ATP1A4: variants seen among roughly 807,000 people sequenced by gnomAD.
The protein encoded by ATP1A4 is sodium/potassium-transporting ATPase subunit alpha-4.
ATP1A4 carries 90 observed loss-of-function variants against 114.3 expected under a neutral mutation model. That is an observed-to-expected ratio of 0.79 (90% CI 0.66 to 0.94). ATP1A4 has a LOEUF of 0.94. Among genes scored for constraint, ATP1A4 ranks in the 40% least tolerant of loss-of-function variants. The pLI is 0.00. For missense variants in ATP1A4, 1,222 were observed against 1,313.6 expected (o/e 0.93, Z 1.08); for synonymous variants, 511 against 494.1 (o/e 1.03, Z -0.45).
chr1:160,171,834 G>A (rs1009039002), intron 12 of ATP1A4, 77 bp downstream of exon 12: 43 of 1,419,530 alleles, frequency 3.0e-5, no homozygotes, highest in Admixed American at 2.3e-4. Flanking sequence ...GCGCAGAGTA[G>A]ATGCTTAATA....
In ATP1A4 at chr1:160,173,717, G is replaced by C; in HGVS notation, c.1991G>C (p.Ser664Thr). The C allele has an allele frequency of 6.2e-7, 1 of 1,614,028 alleles. No individual in the cohort carries two copies. Among genetic ancestry groups the C allele is most frequent in the Non-Finnish European group, 8.5e-7 (1 of 1,179,946 alleles). Residue 664 changes from serine (S) to threonine (T), a missense_variant and splice_region_variant, in exon 13 of 22, where the codon AGT (serine) becomes ACT (threonine). Transcript: ENST00000368081. ...ATCCCTATCAGCAAGGTCGATGCCA[G>C]GTGAGATCACTAAAGAACTCAAGAT... ...LKIPISKVDA[S>T]AAKAIVVHGA...
At position 160,159,126 on chromosome 1, in the gene ATP1A4, A is replaced by G; in HGVS notation, c.650A>G (p.Gln217Arg). ...GCTGACCTCCGGCTTATCTCTGCAC[A>G]AGGATGTAAGGTGAGGGGATGCCGA... ...VPADLRLISA[Q>R]GCKVDNSSLT... Residue 217 changes from glutamine (Q) to arginine (R), a missense_variant, in exon 5 of 22, where the codon CAA becomes CGA. Transcript: ENST00000368081. 6.2e-7 allele frequency: 1 copy of G among 1,613,858 alleles called. No homozygotes were observed. The highest frequency in any genetic ancestry group is 8.5e-7 in the Non-Finnish European group (1 of 1,179,834).
At chr1:160,180,235 C>G (rs114927429) in intron 18 of ATP1A4, among the ~76,000 whole-genome samples, 1 of 152,154 alleles carries the variant, frequency 6.6e-6, no homozygotes, top group African/African-American at 2.4e-5. Context: ...CAATTTCCAG[C>G]CTTTGTGTTC....
intron 2 of ATP1A4, among the ~76,000 whole-genome samples, chr1:160,154,251 G>A (rs1239883193): frequency 6.6e-6 from 1 of 152,030 alleles, no homozygotes; most frequent in Non-Finnish European, 1.5e-5. Flanking sequence ...CTACTTGGGA[G>A]GCTGAGGCAG....
Position 160,186,658 on chromosome 1 carries a change from T to C in ATP1A4, c.3062-13T>C. 1 of 1,609,674 alleles carries C rather than the reference T, an allele frequency of 6.2e-7. No homozygotes were observed. Among genetic ancestry groups the C allele is most frequent in the Non-Finnish European group, 8.5e-7 (1 of 1,177,990 alleles). On this transcript the variant is annotated splice_polypyrimidine_tract_variant and intron_variant, in intron 21 of 21. Transcript: ENST00000368081. ...CCTTCTCCCAGTTCACGCTGGCCTCTTCTCTTCCACAGGCTGGGTGGAAAG... is the reference window on the plus strand; with the variant it reads ...CCTTCTCCCAGTTCACGCTGGCCTCCTCTCTTCCACAGGCTGGGTGGAAAG...
In ATP1A4 at chr1:160,181,988, T is replaced by A; in HGVS notation, c.2926T>A (p.Tyr976Asn). The A allele has an allele frequency of 1.2e-6, 2 of 1,614,156 alleles. No individual in the cohort carries two copies. The highest frequency in any genetic ancestry group is 1.7e-6 in the Non-Finnish European group (2 of 1,180,000). The change falls in exon 20 of 22, where the codon TAC becomes AAC. Residue 976 changes from tyrosine (Y) to asparagine (N), a missense_variant. Coordinates refer to ENST00000368081, the MANE Select transcript of ATP1A4 (RefSeq NM_144699.4). The part of the protein sequence containing the change: ...EETLLAAFLS[Y>N]TPGMDVALRM... Reference sequence around the variant, plus strand: ...GACACTCTTGGCTGCATTTCTGTCCTACACTCCAGGCATGGACGTGGCCCT... The same window carrying A: ...GACACTCTTGGCTGCATTTCTGTCCAACACTCCAGGCATGGACGTGGCCCT...
At position 160,171,361 on chromosome 1, in the gene ATP1A4, G is replaced by A; in HGVS notation, c.1602G>A (p.Glu534=). Residue 534 remains glutamate, a synonymous_variant, in exon 11 of 22, where the codon GAG becomes GAA. Coordinates refer to ENST00000368081, the MANE Select transcript of ATP1A4 (RefSeq NM_144699.4). ...FCSTFLLNGQ[E]YSMNDEMKEA... The stretch of plus-strand genomic sequence containing the variant: ...CTACCTTTCTTCTGAATGGGCAGGA[G>A]TACTCAATGAACGATGAAATGAAGG... The A allele has an allele frequency of 1.2e-6, 2 of 1,614,148 alleles. No individual in the cohort carries two copies. Among genetic ancestry groups the A allele is most frequent in the Non-Finnish European group, 1.7e-6 (2 of 1,180,020 alleles).
intron 4 of ATP1A4, 151 bp from the exon 5 acceptor site, chr1:160,158,851 T>A: frequency 8.8e-6 from 7 of 799,944 alleles, no homozygotes; most frequent in Non-Finnish European, 1.3e-5. Context: ...GAATTTGCAA[T>A]CTGCCAAAGA....
At chr1:160,154,925 C>G (rs80019154) in intron 2 of ATP1A4, 120 bp from the exon 3 acceptor site, 3 of 886,710 alleles carry the variant, frequency 3.4e-6, no homozygotes, top group Non-Finnish European at 3.5e-6. Context: ...CCAGACTGAC[C>G]TTCTGAAAGC....
Position 160,164,164 on chromosome 1 carries a change from C to G in ATP1A4, c.787C>G (p.Arg263Gly), listed in dbSNP as rs146761116. 2 of 1,614,010 alleles carry G rather than the reference C, an allele frequency of 1.2e-6. No individual in the cohort carries two copies. The highest frequency in any genetic ancestry group is 1.7e-6 in the Non-Finnish European group (2 of 1,179,920). ...FSTNCVEGTA[R>G]GIVIATGDST... ...TCCTGCTTCATCCACAGGAACCGCC[C>G]GGGGTATTGTGATTGCTACGGGAGA... Residue 263 changes from arginine (R) to glycine (G), a missense_variant, in exon 7 of 22, where the codon CGG (arginine) becomes GGG (glycine). Transcript: ENST00000368081.
Position 160,159,416 on chromosome 1 carries a change from A to G in ATP1A4, c.668A>G (p.Asn223Ser). 6.2e-7 allele frequency: 1 copy of G among 1,612,084 alleles called. No individual in the cohort carries two copies. Among genetic ancestry groups the G allele is most frequent in the Non-Finnish European group, 8.5e-7 (1 of 1,179,422 alleles). Reference sequence around the variant, plus strand: ...TCCCCTCTCCCATCCCAGGTGGACAACTCATCCTTGACTGGGGAGTCAGAA... The same window carrying G: ...TCCCCTCTCCCATCCCAGGTGGACAGCTCATCCTTGACTGGGGAGTCAGAA... ...LISAQGCKVD[N>S]SSLTGESEPQ... The change falls in exon 6 of 22, where the codon AAC (asparagine) becomes AGC (serine). Residue 223 changes from asparagine (N) to serine (S), a missense_variant. By Grantham distance (46) the Asn-to-Ser change is conservative (BLOSUM62 1). Coordinates refer to ENST00000368081, the MANE Select transcript of ATP1A4 (RefSeq NM_144699.4).
chr1:160,166,889 G>A, intron 8 of ATP1A4, 79 bp from the exon 9 acceptor site: 2 of 1,517,960 alleles, frequency 1.3e-6, no homozygotes, highest in Non-Finnish European at 1.8e-6. Context: ...GAAGTATCTG[G>A]GTGCCAAAGA....
chr1:160,166,669 G>A lies in ATP1A4; in HGVS notation c.1189G>A (p.Ala397Thr), dbSNP rs147875149. Residue 397 changes from alanine (A) to threonine (T), a missense_variant, in exon 8 of 22, where the codon GCC becomes ACC. By Grantham distance (58) the Ala-to-Thr change is moderately conservative (BLOSUM62 0). Transcript: ENST00000368081. The stretch of plus-strand genomic sequence containing the variant: ...CCTCACCCAGAACCGCATGACCGTC[G>A]CCCACATGTGGTTTGATATGACCGT... ...GTLTQNRMTV[A>T]HMWFDMTVYE... is the part of the protein sequence containing the mutation. The A allele has an allele frequency of 5.8e-5, 93 of 1,614,180 alleles. 1 individual carries two copies. Among genetic ancestry groups the A allele is most frequent in the South Asian group, 2.0e-4 (18 of 91,076 alleles).
At chr1:160,161,973 T>C (rs1186002062) in intron 6 of ATP1A4, among the ~76,000 whole-genome samples, 1 of 152,234 alleles carries the variant, frequency 6.6e-6, no homozygotes, top group Non-Finnish European at 1.5e-5. Context: ...TAAGTTCATC[T>C]AAATGATGAG....
At position 160,174,605 on chromosome 1, in the gene ATP1A4, C is replaced by T. The variant is rs767120106; in HGVS notation, c.2169C>T (p.Asp723=). ...GAGCCGTTGTGGCCGTGACAGGTGACGGGGTGAACGACTCCCCTGCGCTGA... is the reference window on the plus strand; with the variant it reads ...GAGCCGTTGTGGCCGTGACAGGTGATGGGGTGAACGACTCCCCTGCGCTGA... ...RLGAVVAVTG[D]GVNDSPALKK... The change falls in exon 15 of 22, where the codon GAC becomes GAT. Residue 723 remains aspartate, a synonymous_variant. Coordinates refer to ENST00000368081, the MANE Select transcript of ATP1A4 (RefSeq NM_144699.4). The T allele has an allele frequency of 1.5e-5, 25 of 1,613,890 alleles. No individual in the cohort carries two copies. Among genetic ancestry groups the T allele is most frequent in the Admixed American group, 6.7e-5 (4 of 60,002 alleles).
Position 160,164,449 on chromosome 1 carries a change from C to T in ATP1A4, c.1047+25C>T, listed in dbSNP as rs746271318. 2.0e-5 allele frequency: 32 copies of T among 1,611,102 alleles called. No homozygotes were observed. The East Asian group carries it at 6.9e-4, about 35-fold the overall frequency. ...TGTGAGTAGACAGGGTGGAAAATGG[C>T]CTCAGGGCAGACAAACCACCCCAGG... is the stretch of plus-strand genomic sequence containing the variant. On this transcript the variant is annotated intron_variant, in intron 7 of 21. Coordinates refer to ENST00000368081, the MANE Select transcript of ATP1A4 (RefSeq NM_144699.4).
At chr1:160,171,876 C>A in intron 12 of ATP1A4, 119 bp downstream of exon 12, 3 of 1,050,392 alleles carry the variant, frequency 2.9e-6, no homozygotes, top group Admixed American at 2.8e-5. Context: ...TTTCTGTTTC[C>A]TTGGGCTTAT....
At chr1:160,165,384 C>G (rs1011297493) in intron 7 of ATP1A4, among the ~76,000 whole-genome samples, 2 of 152,214 alleles carry the variant, frequency 1.3e-5, no homozygotes, top group Non-Finnish European at 2.9e-5. Flanking sequence ...TCACAATCAA[C>G]AAAAGTCTTT....
intron 12 of ATP1A4, among the ~76,000 whole-genome samples, chr1:160,173,367 A>G (rs1301426877): frequency 1.3e-5 from 2 of 152,186 alleles, no homozygotes; most frequent in African/African-American, 2.4e-5. Context: ...CTAGGACCCA[A>G]ATTGTCCTGT....
Sources: allele counts gnomAD v4.1 joint callset (sites outside exome capture counted in the v4.1 genomes callset), GRCh38; gene constraint gnomAD v4.1.1; transcripts MANE v1.5; gene names NCBI Gene and HGNC (gene_info 2026-07-23, HGNC 2026-07-21).